AFF3: variants seen among roughly 807,000 people sequenced by gnomAD.
AFF3 encodes ALF transcription elongation factor 3, also known as AF4/FMR2 family member 3.
In AFF3, 32 loss-of-function variants were observed where a neutral mutation model predicts 129.7. That is an observed-to-expected ratio of 0.25 (90% CI 0.19 to 0.33). AFF3 has a LOEUF of 0.33. Ranked by LOEUF, AFF3 falls within the 10% of genes least tolerant of loss-of-function variation. The probability of loss-of-function intolerance (pLI) is 1.00; values close to 1 mark genes in which losing one functional copy is unlikely to be tolerated. For missense variants in AFF3, 1,373 were observed against 1,592.0 expected (o/e 0.86, Z 2.34); for synonymous variants, 644 against 635.4 (o/e 1.01, Z -0.20).
At chr2:99,748,938 C>T (rs1053932626) in intron 9 of AFF3, among the ~76,000 whole-genome samples, 11 of 152,218 alleles carry the variant, frequency 7.2e-5, no homozygotes, top group African/African-American at 2.2e-4. Flanking sequence ...TTCTGTGTGT[C>T]GATTTTAGAT....
chr2:99,889,129 T>C (rs1476960048), intron 7 of AFF3, among the ~76,000 whole-genome samples: 2 of 150,352 alleles, frequency 1.3e-5, no homozygotes, highest in Non-Finnish European at 3.0e-5. Context: ...TCTAGACAGA[T>C]TTTTTTTTTA....
chr2:99,898,648 C>G (rs1694145549), intron 7 of AFF3, among the ~76,000 whole-genome samples: 1 of 152,202 alleles, frequency 6.6e-6, no homozygotes, highest in Non-Finnish European at 1.5e-5. Context: ...TGGGGGCTGC[C>G]ATGGGTCGCC....
At chr2:100,106,511 G>A (rs1284264098) in intron 2 of AFF3, 2 of 1,002,524 alleles carry the variant, frequency 2.0e-6, no homozygotes, top group Admixed American at 5.3e-5. Context: ...TTGCTTTGGC[G>A]AAAGTGAGAT....
chr2:99,986,179 C>T (rs1189772120), intron 7 of AFF3, among the ~76,000 whole-genome samples: 1 of 148,374 alleles, frequency 6.7e-6, no homozygotes, highest in Non-Finnish European at 1.5e-5. Context: ...CCAGCCTGGG[C>T]GACAGAGCGA....
At chr2:99,871,212 T>C (rs1472475935) in intron 7 of AFF3, among the ~76,000 whole-genome samples, 1 of 152,146 alleles carries the variant, frequency 6.6e-6, no homozygotes, top group African/African-American at 2.4e-5. Context: ...AGATATCTCA[T>C]TATGTCTATG....
chr2:99,563,756 G>A (rs1675703287), intron 20 of AFF3, among the ~76,000 whole-genome samples: 1 of 139,326 alleles, frequency 7.2e-6, no homozygotes, highest in African/African-American at 2.7e-5. Context: ...GTTGTGGTGA[G>A]CTGAGATTGT....
Position 99,664,228 on chromosome 2 carries a change from G to C in AFF3, c.1143+8310C>G, listed in dbSNP as rs146578785. On this transcript the variant is annotated intron_variant, in intron 12 of 24. Coordinates refer to ENST00000672756, the MANE Select transcript of AFF3 (RefSeq NM_001386135.1). ...AAGAAAGCTGATTCTCAGATATTTT[G>C]TGCTATTTCCAGTTGGAACCTCATC... Among the ~76,000 whole-genome samples the C allele has an allele frequency of 2.5e-3, 386 of 152,256 alleles. 2 individuals carry two copies. Among genetic ancestry groups the C allele is most frequent in the African/African-American group, 8.8e-3 (366 of 41,550 alleles).
chr2:99,715,765 A>G (rs553540319), intron 11 of AFF3, among the ~76,000 whole-genome samples: 1 of 150,280 alleles, frequency 6.7e-6, no homozygotes, highest in Admixed American at 6.7e-5. Context: ...TCCGCCTCCC[A>G]GGTTCACGCC....
At chr2:100,136,625 G>A (rs1416880370) in intron 1 of AFF3, among the ~76,000 whole-genome samples, 1 of 152,152 alleles carries the variant, frequency 6.6e-6, no homozygotes, top group East Asian at 1.9e-4. Context: ...TCCATTTGGA[G>A]CTATGTGACC....
At chr2:99,746,608 T>C (rs1681178505) in intron 9 of AFF3, among the ~76,000 whole-genome samples, 1 of 152,160 alleles carries the variant, frequency 6.6e-6, no homozygotes, top group African/African-American at 2.4e-5. Flanking sequence ...TTTTTGGAAA[T>C]GATTATATGA....
intron 11 of AFF3, among the ~76,000 whole-genome samples, chr2:99,700,288 T>G (rs1442347054): frequency 1.3e-5 from 2 of 152,150 alleles, no homozygotes; most frequent in Admixed American, 6.5e-5. Context: ...GCCCGGCTAA[T>G]TTTTGTATTT....
At chr2:99,862,352 T>A (rs2105919655) in intron 7 of AFF3, among the ~76,000 whole-genome samples, 1 of 152,248 alleles carries the variant, frequency 6.6e-6, no homozygotes, top group Non-Finnish European at 1.5e-5. Flanking sequence ...GTCCGGGGTG[T>A]TTTCTACTTA....
At chr2:99,831,644 T>C (rs1688525566) in intron 8 of AFF3, among the ~76,000 whole-genome samples, 1 of 152,228 alleles carries the variant, frequency 6.6e-6, no homozygotes, top group South Asian at 2.1e-4. Context: ...GAATTTGCAC[T>C]TATTGTTCTA....
intron 11 of AFF3, among the ~76,000 whole-genome samples, chr2:99,723,610 G>GCTGTCT (rs1356719736): frequency 1.3e-5 from 2 of 152,102 alleles, no homozygotes; most frequent in Non-Finnish European, 2.9e-5. Flanking sequence ...TTTTACTTAG[G>GCTGTCT]CTGTCTCCCC....
At chr2:99,711,425 G>C (rs1264579788) in intron 11 of AFF3, among the ~76,000 whole-genome samples, 1 of 152,174 alleles carries the variant, frequency 6.6e-6, no homozygotes. Flanking sequence ...AGACTGCCTG[G>C]TACAAAATAG....
rs1310501894 is a variant in AFF3, at chr2:99,601,550, C to T, written c.1256G>A (p.Ser419Asn). The T allele has an allele frequency of 6.7e-7, 1 of 1,493,794 alleles. No individual in the cohort carries two copies. The highest frequency in any genetic ancestry group is 1.3e-5 in the South Asian group (1 of 77,292). 92.5% of individuals were successfully genotyped at this position (1,493,794 alleles called of 1,614,324 possible). Residue 419 changes from serine to asparagine, a missense_variant, in exon 14 of 25, where the codon AGC becomes AAC. Transcript: ENST00000672756. ...GTCGCTGGAGGAGCTGCTGCTGCCGCTGCTGCTGCTGCTGCTGCTGCCCTT... is the reference window on the plus strand; with the variant it reads ...GTCGCTGGAGGAGCTGCTGCTGCCGTTGCTGCTGCTGCTGCTGCTGCCCTT... ...SSKGSSSSSS[S>N]GSSSSSSDSE...
At chr2:99,601,716 G>C in intron 13 of AFF3, 95 bp from the exon 14 acceptor site, 1 of 1,410,556 alleles carries the variant, frequency 7.1e-7, no homozygotes, top group South Asian at 1.4e-5. Flanking sequence ...CCTAAAGAGG[G>C]AGGAGGCACG....
intron 7 of AFF3, among the ~76,000 whole-genome samples, chr2:99,931,719 G>C (rs1046210825): frequency 1.3e-5 from 2 of 152,164 alleles, no homozygotes; most frequent in Admixed American, 6.5e-5. Flanking sequence ...GACCAGCCTG[G>C]CCAACATGAT....
At chr2:99,851,261 A>T (rs1486908523) in intron 7 of AFF3, among the ~76,000 whole-genome samples, 1 of 152,252 alleles carries the variant, frequency 6.6e-6, no homozygotes, top group South Asian at 2.1e-4. Flanking sequence ...GTGAGGTAGC[A>T]ACTACTGGGA....
Sources: allele counts gnomAD v4.1 joint callset (sites outside exome capture counted in the v4.1 genomes callset), GRCh38; gene constraint gnomAD v4.1.1; transcripts MANE v1.5; gene names NCBI Gene and HGNC (gene_info 2026-07-23, HGNC 2026-07-21).